STAU2: variants seen among roughly 807,000 people sequenced by gnomAD.
STAU2 encodes staufen double-stranded RNA binding protein 2, also known as double-stranded RNA-binding protein Staufen homolog 2.
STAU2 carries 20 observed loss-of-function variants against 65.9 expected under a neutral mutation model. That is an observed-to-expected ratio of 0.30 (90% confidence interval 0.21 to 0.44). The LOEUF is 0.44. Ranked by LOEUF, STAU2 falls within the 20% of genes least tolerant of loss-of-function variation. The probability of loss-of-function intolerance (pLI) is 1.00; values close to 1 mark genes in which losing one functional copy is unlikely to be tolerated. For synonymous variants in STAU2, 232 were observed against 233.9 expected (o/e 0.99, Z 0.07); for missense variants, 558 against 683.9 (o/e 0.82, Z 2.05).
chr8:73,727,664 A>C (rs2128008), intron 3 of STAU2: 132,826 of 151,964 alleles, frequency 0.87, 58,363 homozygotes, highest in East Asian at 0.97. Context: ...GCAAATAGTA[A>C]TGCTATGAAC....
chr8:73,443,646 G>A (rs1335240258), intron 13 of STAU2, among the ~76,000 whole-genome samples: 2 of 152,144 alleles, frequency 1.3e-5, no homozygotes, highest in Non-Finnish European at 2.9e-5. Context: ...GAGGCCAGGA[G>A]TTTGAGACCA....
At chr8:73,742,842 A>G (rs1806981659) in intron 1 of STAU2, among the ~76,000 whole-genome samples, 1 of 152,182 alleles carries the variant, frequency 6.6e-6, no homozygotes, top group Admixed American at 6.6e-5. Flanking sequence ...CTGAGAAATT[A>G]AAAGCTGCAC....
intron 6 of STAU2, among the ~76,000 whole-genome samples, chr8:73,637,079 A>T (rs1048202983): frequency 7.2e-5 from 11 of 152,046 alleles, no homozygotes; most frequent in Non-Finnish European, 1.5e-4. Flanking sequence ...AGATTAATCA[A>T]CAGAAATTAT....
chr8:73,735,330 A>G (rs1806358008), intron 3 of STAU2, among the ~76,000 whole-genome samples: 1 of 152,170 alleles, frequency 6.6e-6, no homozygotes, highest in African/African-American at 2.4e-5. Context: ...ATTCAACTCT[A>G]TGTTTAGCTG....
chr8:73,615,140 A>G (rs1247479756), intron 8 of STAU2, among the ~76,000 whole-genome samples: 2 of 152,036 alleles, frequency 1.3e-5, no homozygotes, highest in African/African-American at 4.8e-5. Flanking sequence ...TATAATAATT[A>G]TTTTTTTAAG....
In STAU2 at chr8:73,549,573, A is replaced by T. The variant is rs940523480; in HGVS notation, c.1530+2439T>A. The T allele has an allele frequency of 8.7e-6, 8 of 917,532 alleles. No individual in the cohort carries two copies. The African/African-American group carries it at 1.3e-4, about 14-fold the overall frequency. 56.8% of individuals were successfully genotyped at this position (917,532 alleles called of 1,614,324 possible). A position where few individuals can be genotyped will look rare whatever the true frequency, so the allele number is the denominator to read the frequency against. ...ATAAATTCAAATTAAAGACTGGGTGATGAAACAAAATTAAAAGTTAAAACA... is the reference window on the plus strand; with the variant it reads ...ATAAATTCAAATTAAAGACTGGGTGTTGAAACAAAATTAAAAGTTAAAACA... On this transcript the variant is annotated intron_variant, in intron 13 of 14. Coordinates refer to ENST00000524300, the MANE Select transcript of STAU2 (RefSeq NM_001164380.2).
chr8:73,637,462 A>AT (rs1289566059), intron 6 of STAU2, among the ~76,000 whole-genome samples: 3 of 108,108 alleles, frequency 2.8e-5, no homozygotes, highest in African/African-American at 1.1e-4. Context: ...TAAAGTCTTT[A>AT]TAAAGTGCTG....
At position 73,422,641 on chromosome 8, in the gene STAU2, A is replaced by G. The variant is rs1816468461; in HGVS notation, c.1592T>C (p.Met531Thr). ...TTCAAGAGAACCTTTTTCGATATTC[A>G]TTGCTCCATCGATTGGATCCAGTCC... ...EQGLDPIDGA[M>T]NIEKGSLEKQ... Residue 531 changes from methionine (M) to threonine (T), a missense_variant, in exon 14 of 15, where the codon ATG becomes ACG. Met to Thr is a moderately conservative substitution (Grantham distance 81, BLOSUM62 -1). This residue lies in a region of STAU2 where 247 missense variants were observed against 270.1 expected (regional missense o/e 0.91). Transcript: ENST00000524300. 1.3e-6 allele frequency: 2 copies of G among 1,515,486 alleles called. No homozygotes were observed. Among genetic ancestry groups the G allele is most frequent in the East Asian group, 2.5e-5 (1 of 39,880 alleles). The allele number at this position is 1,515,486 out of a possible 1,614,324, so 93.9% of individuals were successfully genotyped here.
In STAU2 at chr8:73,708,806, T is replaced by C. The variant is rs769907165; in HGVS notation, c.114+226A>G. ...AATCAAAAATCCATATATCATGTGG[T>C]TTTATTAAGATTTATATGAAGTACT... is the stretch of plus-strand genomic sequence containing the variant. On this transcript the variant is annotated intron_variant, in intron 4 of 14. Coordinates refer to ENST00000524300, the MANE Select transcript of STAU2 (RefSeq NM_001164380.2). Among the ~76,000 whole-genome samples, 3 of 152,158 alleles carry C rather than the reference T, an allele frequency of 2.0e-5. No individual in the cohort carries two copies. The East Asian group carries it at 5.8e-4, about 29-fold the overall frequency.
rs547419628 is a variant in STAU2 at position 73,468,771 on chromosome 8, G to C, written c.1531-46069C>G. Reference sequence around the variant, plus strand: ...CACAATGAGATACCACCACACACCAGTTAGAATGGCAATCATTAAAAAGTC... The same window carrying C: ...CACAATGAGATACCACCACACACCACTTAGAATGGCAATCATTAAAAAGTC... On this transcript the variant is annotated intron_variant, in intron 13 of 14. Coordinates refer to ENST00000524300, the MANE Select transcript of STAU2 (RefSeq NM_001164380.2). Among the ~76,000 whole-genome samples the C allele has an allele frequency of 2.6e-4, 40 of 152,240 alleles. No individual in the cohort carries two copies. The South Asian group carries it at 7.1e-3, about 27-fold the overall frequency.
At chr8:73,518,797 A>T (rs2128927470) in intron 13 of STAU2, among the ~76,000 whole-genome samples, 1 of 152,198 alleles carries the variant, frequency 6.6e-6, no homozygotes, top group Admixed American at 6.5e-5. Flanking sequence ...TTTGTTTAAG[A>T]TATGATTAAA....
chr8:73,459,840 C>T (rs1005975562), intron 13 of STAU2, among the ~76,000 whole-genome samples: 13 of 152,272 alleles, frequency 8.5e-5, no homozygotes, highest in Middle Eastern at 3.4e-3. Context: ...TCCTTGGTTC[C>T]GCATCATCTG....
chr8:73,634,862 C>G (rs1160182747), intron 6 of STAU2, among the ~76,000 whole-genome samples: 1 of 152,212 alleles, frequency 6.6e-6, no homozygotes, highest in Non-Finnish European at 1.5e-5. Context: ...TGATTCCCAT[C>G]CTTTTACTCA....
At chr8:73,432,975 A>T (rs1817412546) in intron 13 of STAU2, among the ~76,000 whole-genome samples, 1 of 152,206 alleles carries the variant, frequency 6.6e-6, no homozygotes, top group South Asian at 2.1e-4. Context: ...CACTTAAATC[A>T]CAGACCTAGC....
intron 3 of STAU2, among the ~76,000 whole-genome samples, chr8:73,725,963 A>G (rs1184466196): frequency 2.0e-5 from 3 of 151,690 alleles, no homozygotes; most frequent in Non-Finnish European, 4.4e-5. Context: ...TTTTTATTTC[A>G]ATACCACCAA....
At chr8:73,742,117 G>C in intron 1 of STAU2, 1 of 721,878 alleles carries the variant, frequency 1.4e-6, no homozygotes, top group Non-Finnish European at 1.7e-6. Flanking sequence ...ACGTCTTTAA[G>C]ACTCTGTTTC....
chr8:73,655,899 C>T (rs1376349552), intron 6 of STAU2, among the ~76,000 whole-genome samples: 3 of 151,914 alleles, frequency 2.0e-5, no homozygotes, highest in South Asian at 2.1e-4. Context: ...TCGCCCGCCT[C>T]GGCCTCCCAA....
chr8:73,492,295 G>A (rs1242318450), intron 13 of STAU2, among the ~76,000 whole-genome samples: 2 of 151,782 alleles, frequency 1.3e-5, no homozygotes, highest in Non-Finnish European at 2.9e-5. Context: ...TTTTTTAGTT[G>A]TTTTGGAAAG....
At chr8:73,577,458 C>T (rs961297978) in intron 12 of STAU2, among the ~76,000 whole-genome samples, 3 of 144,190 alleles carry the variant, frequency 2.1e-5, no homozygotes, top group Admixed American at 6.9e-5. Flanking sequence ...TATATATATA[C>T]ACACACATAT....
Sources: gnomAD v4.1 joint callset for allele counts (sites outside exome capture counted in the v4.1 genomes callset) on GRCh38, gnomAD v4.1.1 for gene constraint, gnomAD v4.1.1 regional missense constraint, MANE v1.5 for transcripts, NCBI Gene and HGNC (gene_info 2026-07-23, HGNC 2026-07-21) for gene names.